Variants in EDA observed in about 807,000 individuals in gnomAD.
EDA encodes the protein ectodysplasin A, also known as ectodysplasin-A.
In EDA, 2 loss-of-function variants were observed where a neutral mutation model predicts 23.6. That is an observed-to-expected ratio of 0.08 (90% CI 0.03 to 0.27). EDA has a LOEUF of 0.27. Among genes scored for constraint, EDA ranks in the 10% least tolerant of loss-of-function variants. The pLI is 1.00. For synonymous variants in EDA, 131 were observed against 132.0 expected (o/e 0.99, Z 0.05); for missense variants, 229 against 324.2 (o/e 0.71, Z 2.26).
At chrX:69,810,818 T>C (rs1488382619) in intron 1 of EDA, among the ~76,000 whole-genome samples, 1 of 110,859 alleles carries the variant, frequency 9.0e-6, no homozygotes, top group Non-Finnish European at 1.9e-5. Context: ...CTTTGGCATG[T>C]TGACAAGTCA....
intron 1 of EDA, among the ~76,000 whole-genome samples, chrX:69,665,024 T>A (rs1933636771): frequency 8.9e-6 from 1 of 111,982 alleles, no homozygotes; most frequent in Non-Finnish European, 1.9e-5. Context: ...TGAAGTGGTA[T>A]CTCATAGTGG....
At chrX:70,020,296 G>A (rs915951245) in intron 2 of EDA, among the ~76,000 whole-genome samples, 2 of 111,866 alleles carry the variant, frequency 1.8e-5, no homozygotes, top group Non-Finnish European at 3.8e-5. Flanking sequence ...AGTGGCTCAC[G>A]CCTGTAATCC....
chrX:69,815,250 A>G (rs2016051578), intron 1 of EDA, among the ~76,000 whole-genome samples: 2 of 111,774 alleles, frequency 1.8e-5, no homozygotes, highest in Admixed American at 1.9e-4. Context: ...GTTCCAGAGG[A>G]GGAGAGGTCC....
intron 1 of EDA, among the ~76,000 whole-genome samples, chrX:69,646,358 G>T (rs1932926610): frequency 9.0e-6 from 1 of 111,712 alleles, no homozygotes; most frequent in Non-Finnish European, 1.9e-5. Flanking sequence ...ATGAATCTGG[G>T]TGCTTCTGTA....
In EDA at chrX:70,035,354, T is replaced by C; in HGVS notation, c.925-4T>C. The C allele has an allele frequency of 8.3e-7, 1 of 1,207,960 alleles. No homozygotes were observed. Among genetic ancestry groups the C allele is most frequent in the East Asian group, 3.0e-5 (1 of 33,706 alleles). On this transcript the variant is annotated splice_region_variant and splice_polypyrimidine_tract_variant and intron_variant, in intron 7 of 7. Coordinates refer to ENST00000374552, the MANE Select transcript of EDA (RefSeq NM_001399.5). ...CCAATCCCTTCTTGTTGCCTCTCAC[T>C]CAGGTATACTACATCAACTTCACTG...
chrX:69,982,864 G>A (rs909653967), intron 2 of EDA, among the ~76,000 whole-genome samples: 4 of 73,687 alleles, frequency 5.4e-5, no homozygotes, highest in Admixed American at 1.7e-4. Context: ...GGGTGTTAAA[G>A]TCTCCCATTA....
At chrX:69,771,043 G>GTAAT (rs1555999946) in intron 1 of EDA, among the ~76,000 whole-genome samples, 2 of 109,468 alleles carry the variant, frequency 1.8e-5, no homozygotes, top group Non-Finnish European at 3.8e-5. Context: ...TGCAAAGAAA[G>GTAAT]TATTTATTTA....
intron 1 of EDA, among the ~76,000 whole-genome samples, chrX:69,758,261 A>G (rs1482668775): frequency 8.9e-6 from 1 of 112,025 alleles, no homozygotes; most frequent in Admixed American, 9.5e-5. Flanking sequence ...CAGATAATTG[A>G]TCATAAGCCA....
chrX:69,827,341 C>A (rs1286203649), intron 1 of EDA, among the ~76,000 whole-genome samples: 4 of 112,165 alleles, frequency 3.6e-5, no homozygotes. Context: ...GTACACCAAT[C>A]AGACATAGAT....
At chrX:69,983,946 A>G (rs771972717) in intron 2 of EDA, among the ~76,000 whole-genome samples, 102 of 105,712 alleles carry the variant, frequency 9.6e-4, no homozygotes, top group African/African-American at 3.5e-3. Context: ...CAATCAAACT[A>G]GAACTCAGGA....
chrX:69,704,905 C>T (rs1289958281), intron 1 of EDA, among the ~76,000 whole-genome samples: 1 of 110,627 alleles, frequency 9.0e-6, no homozygotes, highest in East Asian at 2.8e-4. Flanking sequence ...ATGTTGATGA[C>T]TTTGAGCTGA....
rs746387977 is a variant in EDA at position 69,730,847 on chromosome X, G to A, written c.396+114143G>A. On this transcript the variant is annotated intron_variant, in intron 1 of 7. Coordinates refer to ENST00000374552, the MANE Select transcript of EDA (RefSeq NM_001399.5). ...AGTACTACTGAACAAATATTAATCC[G>A]CAGACAGCAATTTTCTGCTTTTATC... Among the ~76,000 whole-genome samples the A allele has an allele frequency of 1.8e-4, 20 of 112,019 alleles. No individual in the cohort carries two copies. In the South Asian group the frequency reaches 2.6e-3, roughly 15 times the overall value.
chrX:69,991,515 A>G (rs2019588749), intron 2 of EDA, among the ~76,000 whole-genome samples: 1 of 111,170 alleles, frequency 9.0e-6, no homozygotes, highest in African/African-American at 3.3e-5. Context: ...GAAGGTCAGG[A>G]ATACTAGACC....
intron 1 of EDA, among the ~76,000 whole-genome samples, chrX:69,835,769 C>T (rs932736548): frequency 5.4e-5 from 6 of 111,873 alleles, no homozygotes; most frequent in Admixed American, 2.8e-4. Flanking sequence ...TGAGGAGCTG[C>T]GAGCCTTTGG....
intron 1 of EDA, chrX:69,617,684 G>T (rs1183692449): frequency 3.0e-6 from 1 of 333,932 alleles, no homozygotes; most frequent in Admixed American, 3.1e-5. Flanking sequence ...AGCATCCAAG[G>T]ATCCTTTCGA....
At chrX:70,002,659 G>T (rs1178687643) in intron 2 of EDA, among the ~76,000 whole-genome samples, 1 of 112,303 alleles carries the variant, frequency 8.9e-6, no homozygotes, top group Non-Finnish European at 1.9e-5. Context: ...CCCATTCAAA[G>T]TTCTGCCACT....
At chrX:69,709,343 A>C (rs2011872263) in intron 1 of EDA, among the ~76,000 whole-genome samples, 1 of 111,908 alleles carries the variant, frequency 8.9e-6, no homozygotes, top group African/African-American at 3.2e-5. Context: ...CTTGAAGGAT[A>C]TGTGGCCTTT....
chrX:69,821,899 C>G (rs1406190098), intron 1 of EDA, among the ~76,000 whole-genome samples: 1 of 111,698 alleles, frequency 9.0e-6, no homozygotes, highest in Non-Finnish European at 1.9e-5. Context: ...TAATGTTGTG[C>G]CACCATCACT....
At chrX:69,969,297 G>T (rs1224473219) in intron 2 of EDA, among the ~76,000 whole-genome samples, 1 of 112,358 alleles carries the variant, frequency 8.9e-6, no homozygotes, top group Admixed American at 9.4e-5. Flanking sequence ...AATCTGTTTA[G>T]AAATATGATT....
Sources: allele counts gnomAD v4.1 joint callset (sites outside exome capture counted in the v4.1 genomes callset), GRCh38; gene constraint gnomAD v4.1.1; transcripts MANE v1.5; gene names NCBI Gene and HGNC (gene_info 2026-07-23, HGNC 2026-07-21).